The following LRRC37A2 variants were observed in gnomAD, a reference collection of about 807,000 sequenced individuals.
LRRC37A2 encodes leucine-rich repeat-containing protein 37A2.
LRRC37A2 carries 9 observed loss-of-function variants against 68.8 expected under a neutral mutation model. The ratio of observed to expected loss-of-function variants is 0.13; its 90% CI spans 0.08 to 0.23. LRRC37A2 has a LOEUF of 0.23. Ranked by LOEUF, LRRC37A2 falls within the 10% of genes least tolerant of loss-of-function variation. LRRC37A2 has a pLI of 1.00. For missense variants in LRRC37A2, 168 were observed against 950.4 expected, an observed-to-expected ratio of 0.18 and a Z score of 10.82; for synonymous variants, 63 against 367.6, an observed-to-expected ratio of 0.17 and a Z score of 9.48.
At chr17:46,900,185 A>G in the LRRC37A2 span, among the ~76,000 whole-genome samples, 8 of 126,022 alleles carry the variant, frequency 6.3e-5, no homozygotes, top group African/African-American at 2.7e-4. Context: ...ATATATATAT[A>G]TATATATATA....
At chr17:46,403,464 C>A in the LRRC37A2 span, among the ~76,000 whole-genome samples, 2 of 55,412 alleles carry the variant, frequency 3.6e-5, no homozygotes, top group Non-Finnish European at 8.1e-5. Context: ...GCTGAGAATG[C>A]GCCACTGCAT....
chr17:46,858,780 C>A, the LRRC37A2 span, among the ~76,000 whole-genome samples: 2 of 152,068 alleles, frequency 1.3e-5, no homozygotes, highest in African/African-American at 2.4e-5. Flanking sequence ...GATCCTCCTG[C>A]CTTAGCCTCC....
At chr17:46,949,776 G>A in the LRRC37A2 span, among the ~76,000 whole-genome samples, 4 of 152,176 alleles carry the variant, frequency 2.6e-5, no homozygotes, top group Non-Finnish European at 4.4e-5. Flanking sequence ...GAGCCTGGGC[G>A]GACGGTCTCA....
the LRRC37A2 span, among the ~76,000 whole-genome samples, chr17:46,752,213 C>T: frequency 3.9e-5 from 6 of 152,204 alleles, no homozygotes; most frequent in African/African-American, 1.4e-4. Context: ...GCTGCCTGGG[C>T]AAAGACAGAT....
At chr17:46,993,073 A>ATT in the LRRC37A2 span, among the ~76,000 whole-genome samples, 269 of 149,374 alleles carry the variant, frequency 1.8e-3, 2 homozygotes, top group East Asian at 5.0e-3. Context: ...AGAGATTTTG[A>ATT]TTTTTTTTTT....
the LRRC37A2 span, among the ~76,000 whole-genome samples, chr17:46,794,752 CT>C: frequency 0.49 from 63,018 of 129,172 alleles, 15,081 homozygotes; most frequent in South Asian, 0.65. Flanking sequence ...CTTTCTTTTT[CT>C]TTTTTTTTTT....
At chr17:46,806,393 G>A in the LRRC37A2 span, among the ~76,000 whole-genome samples, 1 of 151,928 alleles carries the variant, frequency 6.6e-6, no homozygotes, top group East Asian at 1.9e-4. Flanking sequence ...ATTTTTAGTA[G>A]AGTTGGGGTT....
the LRRC37A2 span, chr17:47,007,817 G>A: frequency 1.1e-4 from 17 of 152,238 alleles, no homozygotes; most frequent in Admixed American, 7.9e-4. Flanking sequence ...ATAATAAAGC[G>A]AGATATTTTG....
At chr17:46,905,942 C>A in the LRRC37A2 span, among the ~76,000 whole-genome samples, 4 of 152,126 alleles carry the variant, frequency 2.6e-5, no homozygotes, top group South Asian at 8.3e-4. Context: ...GAGGGAGTGG[C>A]CAGGACATCT....
At chr17:46,818,842 A>G in the LRRC37A2 span, 10 of 554,442 alleles carry the variant, frequency 1.8e-5, no homozygotes, top group Admixed American at 3.3e-5. Flanking sequence ...CAGCCTGTCA[A>G]TCACGCGCCC....
chr17:46,827,423 T>C, the LRRC37A2 span, among the ~76,000 whole-genome samples: 2 of 152,132 alleles, frequency 1.3e-5, no homozygotes, highest in African/African-American at 4.8e-5. Context: ...TTGGGATACC[T>C]GGAGCTGCAG....
At chr17:47,020,675 G>C in the LRRC37A2 span, among the ~76,000 whole-genome samples, 1 of 148,436 alleles carries the variant, frequency 6.7e-6, no homozygotes, top group Admixed American at 6.8e-5. Flanking sequence ...CCAGCTACTC[G>C]GGAGGCTGAG....
chr17:46,883,199 G>A, the LRRC37A2 span, among the ~76,000 whole-genome samples: 1 of 151,802 alleles, frequency 6.6e-6, no homozygotes, highest in Non-Finnish European at 1.5e-5. Flanking sequence ...AGCCAGGATG[G>A]TCTTGATCTC....
the LRRC37A2 span, among the ~76,000 whole-genome samples, chr17:46,785,517 G>A: frequency 4.6e-5 from 7 of 152,324 alleles, no homozygotes; most frequent in Admixed American, 6.5e-5. Context: ...CAGGAGCCCC[G>A]GAAACTCACT....
At chr17:46,888,236 G>A in the LRRC37A2 span, among the ~76,000 whole-genome samples, 3 of 152,310 alleles carry the variant, frequency 2.0e-5, no homozygotes, top group East Asian at 5.8e-4. Context: ...TTAGGGAGGT[G>A]TGGGTCAGGT....
At chr17:46,497,641 A>G in the LRRC37A2 span, among the ~76,000 whole-genome samples, 2 of 150,474 alleles carry the variant, frequency 1.3e-5, 1 homozygote. Flanking sequence ...CTTTCAATGT[A>G]TGTAGATATG....
At chr17:46,940,793 T>G in the LRRC37A2 span, 1 of 1,499,892 alleles carries the variant, frequency 6.7e-7, no homozygotes, top group Non-Finnish European at 8.9e-7. Flanking sequence ...ATTGCAGAGG[T>G]GGTTTTTGGG....
chr17:46,406,236 A>G, the LRRC37A2 span, among the ~76,000 whole-genome samples: 1 of 20,802 alleles, frequency 4.8e-5, no homozygotes, highest in East Asian at 5.2e-4. Context: ...CTCGTAACTA[A>G]TGTTCAGGAC....
At chr17:46,900,651 G>A in the LRRC37A2 span, among the ~76,000 whole-genome samples, 2 of 152,176 alleles carry the variant, frequency 1.3e-5, no homozygotes, top group Non-Finnish European at 2.9e-5. Flanking sequence ...GTGTATACCC[G>A]CTTCTCGCAT....
Sources: gnomAD v4.1 joint callset for allele counts (sites outside exome capture counted in the v4.1 genomes callset) on GRCh38, gnomAD v4.1.1 for gene constraint, MANE v1.5 for transcripts, NCBI Gene and HGNC (gene_info 2026-07-23, HGNC 2026-07-21) for gene names.